The following DYNC1I1 variants were observed in gnomAD, a reference collection of about 807,000 sequenced individuals.
DYNC1I1 encodes dynein cytoplasmic 1 intermediate chain 1, also known as cytoplasmic dynein 1 intermediate chain 1.
In DYNC1I1, 43 loss-of-function variants were observed where a neutral mutation model predicts 86.6. The observed-to-expected ratio is 0.50, with a 90% CI of 0.39 to 0.64. The LOEUF (loss-of-function observed/expected upper bound fraction) is 0.64. DYNC1I1 is among the 30% of genes least tolerant of loss of function. The probability of loss-of-function intolerance (pLI) is 0.00; values close to 1 mark genes in which losing one functional copy is unlikely to be tolerated. For missense variants in DYNC1I1, 604 were observed against 788.8 expected (o/e 0.77, Z 2.81); for synonymous variants, 262 against 283.7 (o/e 0.92, Z 0.77).
rs1791660837 is a variant in DYNC1I1 at position 95,923,367 on chromosome 7, A to T, written c.490+53369A>T. Among the ~76,000 whole-genome samples, 6 of 152,150 alleles carry T rather than the reference A, an allele frequency of 3.9e-5. No individual in the cohort carries two copies. In the South Asian group the frequency reaches 1.0e-3, roughly 26 times the overall value. On this transcript the variant is annotated intron_variant, in intron 6 of 16. Transcript: ENST00000447467. ...AAGAGTCACTGATAGTAATTTTTTT[A>T]AAAAATAGAGAGACCCCCTACACTG...
chr7:95,877,033 C>G (rs962459334), intron 6 of DYNC1I1, among the ~76,000 whole-genome samples: 2 of 152,218 alleles, frequency 1.3e-5, no homozygotes, highest in African/African-American at 4.8e-5. Flanking sequence ...GAACCATACT[C>G]CATTCCCTCC....
intron 6 of DYNC1I1, among the ~76,000 whole-genome samples, chr7:95,951,538 G>A (rs1205303985): frequency 2.0e-5 from 3 of 152,106 alleles, no homozygotes; most frequent in African/African-American, 7.2e-5. Flanking sequence ...ATAGTTTTCT[G>A]TTACCACTTG....
chr7:95,781,947 T>C (rs1023873729), intron 1 of DYNC1I1, among the ~76,000 whole-genome samples: 3 of 152,124 alleles, frequency 2.0e-5, no homozygotes, highest in Non-Finnish European at 2.9e-5. Flanking sequence ...GGCTGTGTCA[T>C]GATGCAACAA....
chr7:95,960,279 G>A (rs1421242480), intron 6 of DYNC1I1, among the ~76,000 whole-genome samples: 1 of 151,982 alleles, frequency 6.6e-6, no homozygotes, highest in Non-Finnish European at 1.5e-5. Flanking sequence ...GCTAATTTTT[G>A]TATTTTTAGT....
chr7:95,799,624 C>G (rs923865905), intron 1 of DYNC1I1, among the ~76,000 whole-genome samples: 3 of 151,450 alleles, frequency 2.0e-5, no homozygotes, highest in African/African-American at 7.3e-5. Context: ...AATGACTACA[C>G]TTAATTTTTT....
chr7:96,050,818 C>T (rs1442743549), intron 14 of DYNC1I1, among the ~76,000 whole-genome samples: 1 of 152,002 alleles, frequency 6.6e-6, no homozygotes, highest in African/African-American at 2.4e-5. Flanking sequence ...TTGGAACATC[C>T]TTTTTTCAAT....
intron 9 of DYNC1I1, among the ~76,000 whole-genome samples, chr7:95,988,810 A>G (rs1367979790): frequency 1.3e-5 from 2 of 152,208 alleles, no homozygotes; most frequent in African/African-American, 2.4e-5. Flanking sequence ...GATAGCTGCT[A>G]TGAAGGCTTT....
At chr7:95,821,022 T>TA (rs1795064248) in intron 4 of DYNC1I1, among the ~76,000 whole-genome samples, 2 of 152,244 alleles carry the variant, frequency 1.3e-5, no homozygotes, top group Non-Finnish European at 2.9e-5. Context: ...TTAAGGGATT[T>TA]AGGGAGACAT....
At chr7:95,789,591 A>G (rs1794239381) in intron 1 of DYNC1I1, among the ~76,000 whole-genome samples, 1 of 152,122 alleles carries the variant, frequency 6.6e-6, no homozygotes, top group South Asian at 2.1e-4. Flanking sequence ...CTGTGAATAC[A>G]TTACAGGTTC....
intron 6 of DYNC1I1, among the ~76,000 whole-genome samples, chr7:95,966,651 C>T (rs906390424): frequency 1.3e-5 from 2 of 152,174 alleles, no homozygotes; most frequent in Non-Finnish European, 2.9e-5. Flanking sequence ...TCTAAAGCCT[C>T]GGTTTTCTCA....
chr7:96,008,241 T>A (rs965917201), intron 10 of DYNC1I1, among the ~76,000 whole-genome samples: 3 of 152,084 alleles, frequency 2.0e-5, no homozygotes, highest in African/African-American at 4.8e-5. Flanking sequence ...AGGTGGTCAT[T>A]CCCCGGAAAG....
intron 14 of DYNC1I1, among the ~76,000 whole-genome samples, chr7:96,070,239 G>A (rs1424359951): frequency 6.6e-6 from 1 of 152,090 alleles, no homozygotes; most frequent in African/African-American, 2.4e-5. Flanking sequence ...AAGAGAGTTG[G>A]TTTTTTGGTT....
At chr7:95,868,053 C>G (rs1476080273) in intron 5 of DYNC1I1, among the ~76,000 whole-genome samples, 1 of 152,106 alleles carries the variant, frequency 6.6e-6, no homozygotes, top group Non-Finnish European at 1.5e-5. Context: ...ATGTGCTTTC[C>G]CCATTTCTGT....
At chr7:96,025,002 A>T (rs1794642588) in intron 10 of DYNC1I1, among the ~76,000 whole-genome samples, 1 of 152,184 alleles carries the variant, frequency 6.6e-6, no homozygotes, top group South Asian at 2.1e-4. Context: ...AGGAGCCCTC[A>T]TTGTCCAAAC....
intron 14 of DYNC1I1, among the ~76,000 whole-genome samples, chr7:96,062,431 C>CTTT (rs397840634): frequency 6.9e-6 from 1 of 145,616 alleles, no homozygotes; most frequent in Non-Finnish European, 1.5e-5. Context: ...TTGTTTTTTT[C>CTTT]TTTTTTTTTT....
At chr7:95,864,729 C>G (rs1789974242) in intron 5 of DYNC1I1, among the ~76,000 whole-genome samples, 1 of 152,166 alleles carries the variant, frequency 6.6e-6, no homozygotes, top group South Asian at 2.1e-4. Flanking sequence ...TAGCCCTCTT[C>G]TTCTCACCTT....
intron 14 of DYNC1I1, among the ~76,000 whole-genome samples, chr7:96,046,953 T>C (rs959309733): frequency 1.3e-5 from 2 of 152,164 alleles, no homozygotes; most frequent in African/African-American, 4.8e-5. Flanking sequence ...TCTTAGTCCA[T>C]TCAGGGTTCT....
intron 6 of DYNC1I1, among the ~76,000 whole-genome samples, chr7:95,887,011 A>C (rs763782105): frequency 1.3e-5 from 2 of 152,144 alleles, no homozygotes; most frequent in Non-Finnish European, 2.9e-5. Flanking sequence ...CTGCCTAAAA[A>C]CTTTCCAGGA....
intron 14 of DYNC1I1, among the ~76,000 whole-genome samples, chr7:96,062,063 G>T (rs1004157764): frequency 2.6e-5 from 4 of 152,224 alleles, no homozygotes; most frequent in Non-Finnish European, 5.9e-5. Flanking sequence ...TTGAGAGAGA[G>T]GGTGGAGCGG....
Sources: gnomAD v4.1 joint callset for allele counts (sites outside exome capture counted in the v4.1 genomes callset) on GRCh38, gnomAD v4.1.1 for gene constraint, MANE v1.5 for transcripts, NCBI Gene and HGNC (gene_info 2026-07-23, HGNC 2026-07-21) for gene names.